RUFY3: variants seen among roughly 807,000 people sequenced by gnomAD.
The protein encoded by RUFY3 is protein RUFY3.
RUFY3 carries 34 observed loss-of-function variants against 84.0 expected under a neutral mutation model. The ratio of observed to expected loss-of-function variants is 0.40; its 90% CI spans 0.31 to 0.54. The LOEUF (loss-of-function observed/expected upper bound fraction) is 0.54, where lower values mean the gene tolerates loss of function less well. RUFY3 is among the 20% of genes least tolerant of loss of function. RUFY3 has a pLI of 0.39. For synonymous variants in RUFY3, 242 were observed against 252.9 expected (o/e 0.96, Z 0.41); for missense variants, 507 against 736.8 (o/e 0.69, Z 3.61).
intron 1 of RUFY3, among the ~76,000 whole-genome samples, chr4:70,732,873 C>T (rs1221728207): frequency 6.6e-6 from 1 of 151,710 alleles, no homozygotes; most frequent in Admixed American, 6.6e-5. Context: ...CAAACCTGCA[C>T]GTTTTGCACA....
intron 1 of RUFY3, among the ~76,000 whole-genome samples, chr4:70,749,713 T>C (rs1299110916): frequency 6.6e-6 from 1 of 150,836 alleles, no homozygotes; most frequent in East Asian, 1.9e-4. Flanking sequence ...TAGAAGGTGG[T>C]GGCACAGCTC....
chr4:70,768,555 A>G lies in RUFY3; in HGVS notation c.590A>G (p.Asn197Ser), dbSNP rs199654265. The G allele has an allele frequency of 4.5e-5, 72 of 1,613,970 alleles. No homozygotes were observed. Among genetic ancestry groups the G allele is most frequent in the African/African-American group, 2.8e-4 (21 of 75,024 alleles). Reference protein sequence around the residue: ...KELLSEFYEPNALMMEEEGAI... With the variant: ...KELLSEFYEPSALMMEEEGAI... ...TCTTACAGTGAATTCTACGAACCCAATGCCCTCATGATGGAAGAAGAAGGA... is the reference window on the plus strand; with the variant it reads ...TCTTACAGTGAATTCTACGAACCCAGTGCCCTCATGATGGAAGAAGAAGGA... The change falls in exon 5 of 18, where the codon AAT becomes AGT. Residue 197 changes from asparagine (N) to serine (S), a missense_variant. Coordinates refer to ENST00000381006, the MANE Select transcript of RUFY3 (RefSeq NM_001037442.4).
At chr4:70,748,985 G>A (rs1324263952) in intron 1 of RUFY3, among the ~76,000 whole-genome samples, 3 of 152,062 alleles carry the variant, frequency 2.0e-5, no homozygotes, top group Non-Finnish European at 4.4e-5. Flanking sequence ...ATCACTCAGG[G>A]AATATGAGAG....
At chr4:70,772,458 G>C (rs1218649847) in intron 5 of RUFY3, among the ~76,000 whole-genome samples, 1 of 152,084 alleles carries the variant, frequency 6.6e-6, no homozygotes, top group Non-Finnish European at 1.5e-5. Flanking sequence ...TAATTACTTA[G>C]TTTCTTGTTG....
At chr4:70,721,600 A>G (rs1018667049), upstream of RUFY3, among the ~76,000 whole-genome samples, 4 of 152,192 alleles carry the variant, frequency 2.6e-5, no homozygotes, top group Non-Finnish European at 5.9e-5. Context: ...TTTTCTTAAA[A>G]CATAACATTT....
chr4:70,752,026 C>T (rs1448190296), intron 1 of RUFY3, among the ~76,000 whole-genome samples: 1 of 152,080 alleles, frequency 6.6e-6, no homozygotes, highest in African/African-American at 2.4e-5. Flanking sequence ...AGTGATCCAC[C>T]CACTTAGGTC....
chr4:70,734,296 C>A, intron 1 of RUFY3: 1 of 562,546 alleles, frequency 1.8e-6, no homozygotes, highest in Non-Finnish European at 2.3e-6. Flanking sequence ...TTCTCTTTTT[C>A]ACAGAATTGT....
intron 1 of RUFY3, among the ~76,000 whole-genome samples, chr4:70,708,336 A>ATT (rs112865683): frequency 1.4e-5 from 2 of 144,478 alleles, no homozygotes; most frequent in Non-Finnish European, 3.1e-5. Context: ...CACCCCAGCT[A>ATT]TTTTTTTTTT....
chr4:70,801,065 AG>A (rs991736525), intron 15 of RUFY3, among the ~76,000 whole-genome samples: 46 of 152,060 alleles, frequency 3.0e-4, no homozygotes, highest in African/African-American at 1.1e-3. Flanking sequence ...TTATTTTAGC[AG>A]GTTAGAAATA....
intron 12 of RUFY3, among the ~76,000 whole-genome samples, chr4:70,790,233 T>C (rs756420047): frequency 6.6e-6 from 1 of 152,190 alleles, no homozygotes; most frequent in Non-Finnish European, 1.5e-5. Flanking sequence ...ATCTTCTTCC[T>C]ATGCTACTCT....
At chr4:70,758,955 A>G (rs1724514456) in intron 1 of RUFY3, among the ~76,000 whole-genome samples, 1 of 151,904 alleles carries the variant, frequency 6.6e-6, no homozygotes, top group African/African-American at 2.4e-5. Flanking sequence ...GGAGAATGAC[A>G]TGAACCCGGG....
intron 7 of RUFY3, among the ~76,000 whole-genome samples, chr4:70,777,553 C>A (rs1366286631): frequency 1.3e-5 from 2 of 152,108 alleles, no homozygotes; most frequent in African/African-American, 4.8e-5. Flanking sequence ...AGTACATTTT[C>A]TCTGGGGACC....
intron 14 of RUFY3, among the ~76,000 whole-genome samples, chr4:70,797,829 C>A (rs894652474): frequency 6.6e-6 from 1 of 151,008 alleles, no homozygotes; most frequent in Non-Finnish European, 1.5e-5. Flanking sequence ...GGTGACAGAT[C>A]AAGACTCCAT....
intron 7 of RUFY3, among the ~76,000 whole-genome samples, chr4:70,777,848 G>A (rs895214664): frequency 2.6e-5 from 4 of 152,300 alleles, no homozygotes; most frequent in Admixed American, 2.0e-4. Context: ...TGTAGGGAAT[G>A]AACTCTTTTA....
intron 8 of RUFY3, among the ~76,000 whole-genome samples, chr4:70,778,693 C>T (rs1376743718): frequency 6.6e-6 from 1 of 151,092 alleles, no homozygotes; most frequent in East Asian, 1.9e-4. Context: ...GATGCTCCTG[C>T]CTCAGCCTCC....
intron 1 of RUFY3, among the ~76,000 whole-genome samples, chr4:70,725,018 C>T (rs776229091): frequency 3.9e-5 from 6 of 152,156 alleles, no homozygotes; most frequent in Non-Finnish European, 7.3e-5. Context: ...GAGGGAAAAA[C>T]ATCTGACCAC....
intron 1 of RUFY3, among the ~76,000 whole-genome samples, chr4:70,707,205 CTAAAGT>C (rs1248865862): frequency 6.6e-6 from 1 of 152,216 alleles, no homozygotes; most frequent in African/African-American, 2.4e-5. Flanking sequence ...GGACTTAAAG[CTAAAGT>C]TTCATGAGCG....
intron 5 of RUFY3, among the ~76,000 whole-genome samples, chr4:70,770,066 C>T (rs781343263): frequency 4.6e-5 from 7 of 152,190 alleles, no homozygotes; most frequent in Non-Finnish European, 1.0e-4. Context: ...AAGTGATCTG[C>T]CTGCCTTGGC....
chr4:70,786,060 T>C (rs996103525), intron 10 of RUFY3, among the ~76,000 whole-genome samples: 2 of 152,186 alleles, frequency 1.3e-5, no homozygotes, highest in Non-Finnish European at 2.9e-5. Context: ...AATGGGATGC[T>C]ATTCAGCGAT....
Sources: gnomAD v4.1 joint callset for allele counts (sites outside exome capture counted in the v4.1 genomes callset) on GRCh38, gnomAD v4.1.1 for gene constraint, MANE v1.5 for transcripts, NCBI Gene and HGNC (gene_info 2026-07-23, HGNC 2026-07-21) for gene names.